The following GPC6 variants were observed in gnomAD, a reference collection of about 807,000 sequenced individuals.
The protein encoded by GPC6 is glypican-6.
A neutral mutation model predicts 55.2 loss-of-function variants in GPC6; 14 were observed. The observed-to-expected ratio is 0.25, with a 90% CI of 0.17 to 0.40. The LOEUF (loss-of-function observed/expected upper bound fraction) is 0.40. GPC6 is among the 10% of genes least tolerant of loss of function. GPC6 has a pLI of 1.00. For missense variants in GPC6, 641 were observed against 708.5 expected (o/e 0.90, Z 1.08); for synonymous variants, 278 against 259.6 (o/e 1.07, Z -0.68).
At chr13:93,748,949 A>G (rs1884490860) in intron 2 of GPC6, among the ~76,000 whole-genome samples, 1 of 152,044 alleles carries the variant, frequency 6.6e-6, no homozygotes, top group Non-Finnish European at 1.5e-5. Context: ...AAAAGTACAT[A>G]GAATACTGTT....
intron 2 of GPC6, among the ~76,000 whole-genome samples, chr13:93,763,149 A>C (rs1234531135): frequency 6.6e-6 from 1 of 152,184 alleles, no homozygotes; most frequent in Non-Finnish European, 1.5e-5. Context: ...TAGACTAGAC[A>C]GTTTTACTAT....
chr13:93,324,922 T>G (rs1185541009), intron 1 of GPC6, among the ~76,000 whole-genome samples: 1 of 152,040 alleles, frequency 6.6e-6, no homozygotes, highest in Non-Finnish European at 1.5e-5. Context: ...CTAGTAGGAA[T>G]CAAAAGTGTT....
intron 3 of GPC6, among the ~76,000 whole-genome samples, chr13:94,021,089 G>C (rs1008945454): frequency 6.6e-6 from 1 of 151,966 alleles, no homozygotes; most frequent in East Asian, 1.9e-4. Context: ...AACTGTGGAA[G>C]AAAGCATCAA....
chr13:93,220,886 T>G, the GPC6 span, among the ~76,000 whole-genome samples: 13 of 152,262 alleles, frequency 8.5e-5, no homozygotes, highest in Non-Finnish European at 1.8e-4. Context: ...AATAGTATTT[T>G]ATTTAATTTT....
At chr13:93,745,149 CT>C (rs1884356814) in intron 2 of GPC6, among the ~76,000 whole-genome samples, 1 of 152,092 alleles carries the variant, frequency 6.6e-6, no homozygotes, top group Non-Finnish European at 1.5e-5. Context: ...AGGCTCTCAA[CT>C]CTCTACAGAA....
At chr13:93,993,439 A>G (rs1881402863) in intron 3 of GPC6, among the ~76,000 whole-genome samples, 1 of 151,742 alleles carries the variant, frequency 6.6e-6, no homozygotes, top group African/African-American at 2.4e-5. Flanking sequence ...AATTACAGGC[A>G]TGCACCACCA....
At chr13:93,794,867 T>G (rs533713733) in intron 2 of GPC6, among the ~76,000 whole-genome samples, 1 of 152,364 alleles carries the variant, frequency 6.6e-6, no homozygotes, top group East Asian at 1.9e-4. Flanking sequence ...TTTAAAAATT[T>G]TACTTAAAAA....
At chr13:94,148,413 A>G (rs1390723517) in intron 4 of GPC6, among the ~76,000 whole-genome samples, 2 of 152,204 alleles carry the variant, frequency 1.3e-5, no homozygotes, top group African/African-American at 4.8e-5. Context: ...TCTTGTTTAC[A>G]AGGGTGTCCT....
chr13:93,459,663 A>T (rs895661515), intron 1 of GPC6, among the ~76,000 whole-genome samples: 7 of 152,046 alleles, frequency 4.6e-5, no homozygotes, highest in African/African-American at 1.4e-4. Context: ...TTTTAATGTA[A>T]AATTATGCCA....
At chr13:94,254,727 C>G (rs539812949) in intron 4 of GPC6, among the ~76,000 whole-genome samples, 42 of 151,624 alleles carry the variant, frequency 2.8e-4, no homozygotes, top group African/African-American at 1.0e-3. Context: ...TTTTTTGGCC[C>G]AGAAAGTACA....
chr13:93,590,255 G>A (rs1562189), intron 2 of GPC6, among the ~76,000 whole-genome samples: 137,099 of 152,166 alleles, frequency 0.9, 61,944 homozygotes, highest in African/African-American at 0.96. Flanking sequence ...TGAACCTTGT[G>A]TAATACCCAA....
chr13:93,344,906 C>CT (rs1444814895), intron 1 of GPC6, among the ~76,000 whole-genome samples: 2 of 152,040 alleles, frequency 1.3e-5, no homozygotes, highest in Non-Finnish European at 2.9e-5. Context: ...AAGACCCCTA[C>CT]TTTTTTTTAA....
intron 1 of GPC6, among the ~76,000 whole-genome samples, chr13:93,362,688 A>G (rs1033764644): frequency 7.5e-6 from 1 of 133,838 alleles, no homozygotes; most frequent in African/African-American, 3.0e-5. Context: ...ATAAAAAAAA[A>G]AATTTTTTTT....
At chr13:93,272,179 A>G (rs1338077568) in intron 1 of GPC6, among the ~76,000 whole-genome samples, 1 of 152,074 alleles carries the variant, frequency 6.6e-6, no homozygotes, top group Admixed American at 6.5e-5. Flanking sequence ...ACTTTGGGGC[A>G]TATTATTTCT....
rs559079070 is a variant in GPC6, at chr13:94,119,291, A to G, written c.877+91397A>G. Among the ~76,000 whole-genome samples, 166 of 152,210 alleles carry G rather than the reference A, an allele frequency of 1.1e-3. 1 individual carries two copies. Among genetic ancestry groups the G allele is most frequent in the Admixed American group, 4.6e-3 (71 of 15,270 alleles). On this transcript the variant is annotated intron_variant, in intron 4 of 8. Transcript: ENST00000377047. ...TGAAGTAAAAAGTAAAAGATGCAGTATGTCAGTTGGTGATAAGTGCTCTGA... is the reference window on the plus strand; with the variant it reads ...TGAAGTAAAAAGTAAAAGATGCAGTGTGTCAGTTGGTGATAAGTGCTCTGA...
intron 3 of GPC6, among the ~76,000 whole-genome samples, chr13:93,917,435 G>A (rs954646730): frequency 2.4e-4 from 37 of 152,136 alleles, no homozygotes; most frequent in African/African-American, 8.9e-4. Context: ...CTATTTTCAT[G>A]AATTATAAGT....
chr13:93,644,241 C>G (rs115873377), intron 2 of GPC6, among the ~76,000 whole-genome samples: 1,635 of 152,130 alleles, frequency 0.011, 30 homozygotes, highest in African/African-American at 0.037. Context: ...TATACTTCTT[C>G]TAGATCATTT....
intron 2 of GPC6, among the ~76,000 whole-genome samples, chr13:93,763,133 A>G (rs543133110): frequency 6.6e-6 from 1 of 152,336 alleles, no homozygotes; most frequent in Non-Finnish European, 1.5e-5. Context: ...TGTCGCTCTG[A>G]TATACTAGAC....
chr13:93,914,860 A>T (rs1877206491), intron 3 of GPC6, among the ~76,000 whole-genome samples: 1 of 152,206 alleles, frequency 6.6e-6, no homozygotes. Context: ...AGCTGTGTTC[A>T]CCCTATACTG....
Sources: allele counts gnomAD v4.1 joint callset (sites outside exome capture counted in the v4.1 genomes callset), GRCh38; gene constraint gnomAD v4.1.1; transcripts MANE v1.5; gene names NCBI Gene and HGNC (gene_info 2026-07-23, HGNC 2026-07-21).